Variants in CFAP299 observed in about 807,000 individuals in gnomAD.
CFAP299 encodes the protein cilia- and flagella-associated protein 299.
Under a neutral mutation model 27.0 loss-of-function variants are expected in CFAP299, and 21 were observed. The observed-to-expected ratio is 0.78, with a 90% CI of 0.55 to 1.12. The LOEUF (loss-of-function observed/expected upper bound fraction) is 1.12, where lower values mean the gene tolerates loss of function less well. Ranked by LOEUF, CFAP299 falls within the 50% of genes most tolerant of loss-of-function variation. CFAP299 has a pLI of 0.00. For synonymous variants in CFAP299, 104 were observed against 98.1 expected, an observed-to-expected ratio of 1.06 and a Z score of -0.36; for missense variants, 310 against 276.6, an observed-to-expected ratio of 1.12 and a Z score of -0.86.
At chr4:80,830,001 T>C (rs1221970478) in intron 3 of CFAP299, among the ~76,000 whole-genome samples, 2 of 152,048 alleles carry the variant, frequency 1.3e-5, no homozygotes, top group Admixed American at 6.6e-5. Flanking sequence ...TAGAGATAGA[T>C]GGTGGTAATG....
At chr4:80,755,248 A>C (rs1725168801) in intron 3 of CFAP299, among the ~76,000 whole-genome samples, 1 of 152,100 alleles carries the variant, frequency 6.6e-6, no homozygotes. Context: ...GCCAAGACAC[A>C]TTAGGCTGCA....
chr4:80,880,975 C>G (rs1268119698), intron 4 of CFAP299, among the ~76,000 whole-genome samples: 1 of 152,108 alleles, frequency 6.6e-6, no homozygotes, highest in Admixed American at 6.5e-5. Flanking sequence ...GTACTGAGCA[C>G]TGAACCACCT....
At chr4:80,504,460 C>CATAT (rs1731895806) in intron 2 of CFAP299, among the ~76,000 whole-genome samples, 3 of 44,316 alleles carry the variant, frequency 6.8e-5, no homozygotes, top group Non-Finnish European at 1.4e-4. Context: ...CTTAAAATCT[C>CATAT]ACATATATAT....
chr4:80,362,444 G>A (rs963686693), intron 1 of CFAP299, among the ~76,000 whole-genome samples: 1 of 150,930 alleles, frequency 6.6e-6, no homozygotes, highest in African/African-American at 2.4e-5. Context: ...ACCTACAGCT[G>A]TTCTCATAAA....
intron 2 of CFAP299, among the ~76,000 whole-genome samples, chr4:80,476,777 A>G (rs568220558): frequency 1.3e-5 from 2 of 152,024 alleles, no homozygotes; most frequent in South Asian, 4.2e-4. Context: ...TGGATCTCCA[A>G]TCCAATTTCT....
intron 2 of CFAP299, among the ~76,000 whole-genome samples, chr4:80,447,002 G>T (rs1281137217): frequency 6.6e-6 from 1 of 151,696 alleles, no homozygotes; most frequent in Admixed American, 6.6e-5. Flanking sequence ...ATTCACCAAG[G>T]TCTGTTGATT....
At chr4:80,428,364 A>T (rs1459356869) in intron 2 of CFAP299, among the ~76,000 whole-genome samples, 1 of 152,182 alleles carries the variant, frequency 6.6e-6, no homozygotes. Flanking sequence ...AGTATTCTTT[A>T]TCTGTAGTAA....
At chr4:80,919,412 G>A (rs906366896) in intron 4 of CFAP299, among the ~76,000 whole-genome samples, 2 of 152,152 alleles carry the variant, frequency 1.3e-5, no homozygotes, top group Non-Finnish European at 2.9e-5. Context: ...GTCTAAGGCA[G>A]AAATGCAGTC....
Position 80,516,043 on chromosome 4 carries a change from G to A in CFAP299, c.243-67050G>A, listed in dbSNP as rs145550817. Reference sequence around the variant, plus strand: ...TTTTTTTTTTTTTTTTTTTTGAGACGGAGTCTTACTCTTGTCGCCCAGGAT... The same window carrying A: ...TTTTTTTTTTTTTTTTTTTTGAGACAGAGTCTTACTCTTGTCGCCCAGGAT... On this transcript the variant is annotated intron_variant, in intron 2 of 5. Coordinates refer to ENST00000358105, the MANE Select transcript of CFAP299 (RefSeq NM_152770.3). Among the ~76,000 whole-genome samples, 795 of 141,742 alleles carry A rather than the reference G, an allele frequency of 5.6e-3. 5 individuals carry two copies. Among genetic ancestry groups the A allele is most frequent in the African/African-American group, 0.02 (751 of 38,254 alleles). 93.0% of individuals were successfully genotyped at this position (141,742 alleles called of 152,430 possible). A position where few individuals can be genotyped will look rare whatever the true frequency, so the allele number is the denominator to read the frequency against.
intron 3 of CFAP299, among the ~76,000 whole-genome samples, chr4:80,868,260 G>A (rs114305154): frequency 1.5e-4 from 22 of 151,468 alleles, no homozygotes; most frequent in Non-Finnish European, 2.9e-4. Context: ...CTTTATCTTT[G>A]ACTTGACAGC....
chr4:80,829,481 G>C (rs576805728), intron 3 of CFAP299, among the ~76,000 whole-genome samples: 1 of 152,116 alleles, frequency 6.6e-6, no homozygotes, highest in Non-Finnish European at 1.5e-5. Flanking sequence ...TAGTGCAAAT[G>C]TTAACTAGTA....
At chr4:80,564,472 T>C (rs1438581382) in intron 2 of CFAP299, among the ~76,000 whole-genome samples, 1 of 152,010 alleles carries the variant, frequency 6.6e-6, no homozygotes, top group Non-Finnish European at 1.5e-5. Flanking sequence ...TTTGATATAA[T>C]TCAACATCCC....
At chr4:80,349,579 GA>G (rs1197113754) in intron 1 of CFAP299, among the ~76,000 whole-genome samples, 40 of 152,166 alleles carry the variant, frequency 2.6e-4, no homozygotes, top group African/African-American at 9.6e-4. Context: ...ATGAATCCAA[GA>G]ATATATTAAG....
chr4:80,520,493 A>G (rs72875719), intron 2 of CFAP299, among the ~76,000 whole-genome samples: 11,444 of 152,208 alleles, frequency 0.075, 615 homozygotes, highest in East Asian at 0.25. Flanking sequence ...CACCTTCAAC[A>G]TGGAAATGTC....
At chr4:80,412,813 C>G (rs936371704) in intron 2 of CFAP299, among the ~76,000 whole-genome samples, 4 of 152,102 alleles carry the variant, frequency 2.6e-5, no homozygotes, top group African/African-American at 9.7e-5. Flanking sequence ...TTCACCAAAT[C>G]CCTGGTTAAA....
intron 5 of CFAP299, among the ~76,000 whole-genome samples, chr4:80,961,113 A>C (rs1333673189): frequency 6.6e-6 from 1 of 151,734 alleles, no homozygotes; most frequent in Non-Finnish European, 1.5e-5. Context: ...AAAAAACACA[A>C]TTACTGTTGA....
At chr4:80,552,710 T>G (rs997711120) in intron 2 of CFAP299, among the ~76,000 whole-genome samples, 28 of 152,194 alleles carry the variant, frequency 1.8e-4, no homozygotes, top group African/African-American at 5.5e-4. Context: ...TTTTCAGAGA[T>G]AGAGTCTTGC....
chr4:80,856,254 G>GT (rs1041605517), intron 3 of CFAP299, among the ~76,000 whole-genome samples: 1 of 145,880 alleles, frequency 6.9e-6, no homozygotes, highest in African/African-American at 2.6e-5. Context: ...TGATGGGGTT[G>GT]TTTTTTTCTT....
rs187404232 is a variant in CFAP299 at position 80,698,475 on chromosome 4, G to A, written c.333+115292G>A. Among the ~76,000 whole-genome samples the A allele has an allele frequency of 1.2e-4, 18 of 152,204 alleles. No individual in the cohort carries two copies. The East Asian group carries it at 2.1e-3, about 18-fold the overall frequency. ...GTCAAGTTAATTTGACTTTTTCTGC[G>A]TTTTTATTAATTTAGTGTAGTAAAT... On this transcript the variant is annotated intron_variant, in intron 3 of 5. Coordinates refer to ENST00000358105, the MANE Select transcript of CFAP299 (RefSeq NM_152770.3).
Sources: allele counts gnomAD v4.1 joint callset (sites outside exome capture counted in the v4.1 genomes callset), GRCh38; gene constraint gnomAD v4.1.1; transcripts MANE v1.5; gene names NCBI Gene and HGNC (gene_info 2026-07-23, HGNC 2026-07-21).